The following AFF3 variants were observed in gnomAD, a reference collection of about 807,000 sequenced individuals.
AFF3 encodes the protein ALF transcription elongation factor 3.
A neutral mutation model predicts 129.7 loss-of-function variants in AFF3; 32 were observed. The observed-to-expected ratio is 0.25, with a 90% CI of 0.19 to 0.33. AFF3 has a LOEUF of 0.33. Among genes scored for constraint, AFF3 ranks in the 10% least tolerant of loss-of-function variants. The probability of loss-of-function intolerance (pLI) is 1.00; values close to 1 mark genes in which losing one functional copy is unlikely to be tolerated. For missense variants in AFF3, 1,373 were observed against 1,592.0 expected (o/e 0.86, Z 2.34); for synonymous variants, 644 against 635.4 (o/e 1.01, Z -0.20).
chr2:99,789,446 CAAA>C (rs34653301), intron 8 of AFF3, among the ~76,000 whole-genome samples: 1 of 62,046 alleles, frequency 1.6e-5, no homozygotes, highest in African/African-American at 6.9e-5. Context: ...GCCCTGTCAC[CAAA>C]AAAAAAAAAA....
At chr2:99,981,386 A>G (rs1334746464) in intron 7 of AFF3, among the ~76,000 whole-genome samples, 2 of 152,154 alleles carry the variant, frequency 1.3e-5, no homozygotes, top group Admixed American at 6.5e-5. Context: ...GTTTAATGAA[A>G]CTATGATACA....
chr2:100,078,840 T>C (rs1688806010), intron 4 of AFF3, among the ~76,000 whole-genome samples: 1 of 152,158 alleles, frequency 6.6e-6, no homozygotes, highest in African/African-American at 2.4e-5. Flanking sequence ...CGCTATAGAT[T>C]ACTTATAATA....
At chr2:99,838,569 G>A (rs910632165) in intron 7 of AFF3, among the ~76,000 whole-genome samples, 4 of 152,106 alleles carry the variant, frequency 2.6e-5, no homozygotes, top group African/African-American at 9.7e-5. Context: ...CTTGCCCCCA[G>A]CAGCCTCCAC....
intron 7 of AFF3, among the ~76,000 whole-genome samples, chr2:99,983,732 G>A (rs1679609582): frequency 6.6e-6 from 1 of 152,142 alleles, no homozygotes. Context: ...AGTTACTCAG[G>A]TAATTGTTCT....
In AFF3 at chr2:100,006,901, T is replaced by C. The variant is rs1269380093; in HGVS notation, c.604A>G (p.Met202Val). 3 of 1,614,058 alleles carry C rather than the reference T, an allele frequency of 1.9e-6. No individual in the cohort carries two copies. Among genetic ancestry groups the C allele is most frequent in the African/African-American group, 1.3e-5 (1 of 74,916 alleles). The change falls in exon 7 of 25, where the codon ATG becomes GTG. Residue 202 changes from methionine (M) to valine (V), a missense_variant. Met to Val is a conservative substitution (Grantham distance 21). This residue lies in a region of AFF3 where 255 missense variants were observed against 256.0 expected (regional missense o/e 1.00). Coordinates refer to ENST00000672756, the MANE Select transcript of AFF3 (RefSeq NM_001386135.1). ...CCGCTGCTGCTGTGCTTGGCCGCCA[T>C]GGCAGGTGGCCTCTCCTGGGTCTGA... ...GLQTQERPPAMAAKHSSSGHC... is the reference protein window; with the variant it reads ...GLQTQERPPAVAAKHSSSGHC...
intron 11 of AFF3, among the ~76,000 whole-genome samples, chr2:99,687,563 G>A (rs1264135819): frequency 2.0e-5 from 3 of 152,160 alleles, no homozygotes; most frequent in African/African-American, 2.4e-5. Flanking sequence ...CTAGAGGAGA[G>A]GTGGGCTCTC....
At chr2:100,006,416 T>C in intron 7 of AFF3, 1 of 555,346 alleles carries the variant, frequency 1.8e-6, no homozygotes, top group Non-Finnish European at 3.0e-6. Flanking sequence ...CACAACTGCA[T>C]TTGCTGGAAC....
intron 4 of AFF3, among the ~76,000 whole-genome samples, chr2:100,024,912 T>G (rs1214603772): frequency 6.6e-6 from 1 of 151,822 alleles, no homozygotes; most frequent in Non-Finnish European, 1.5e-5. Context: ...AAGGATAGAG[T>G]GGTGAGGAGT....
At chr2:100,061,859 G>GC (rs964926303) in intron 4 of AFF3, among the ~76,000 whole-genome samples, 2 of 128,454 alleles carry the variant, frequency 1.6e-5, no homozygotes, top group Non-Finnish European at 3.3e-5. Flanking sequence ...CACAGTGGAG[G>GC]GGGGGGGGGT....
intron 7 of AFF3, among the ~76,000 whole-genome samples, chr2:99,895,282 C>A (rs1693856746): frequency 6.6e-6 from 1 of 152,352 alleles, no homozygotes; most frequent in South Asian, 2.1e-4. Flanking sequence ...TGTCCAATCC[C>A]ACCAACAAGG....
At chr2:100,043,674 GT>G (rs2105073562) in intron 4 of AFF3, among the ~76,000 whole-genome samples, 2 of 152,226 alleles carry the variant, frequency 1.3e-5, no homozygotes, top group South Asian at 4.2e-4. Context: ...AAGAGCAATT[GT>G]TTTTATGACT....
chr2:100,051,595 G>A (rs1686341676), intron 4 of AFF3, among the ~76,000 whole-genome samples: 1 of 152,066 alleles, frequency 6.6e-6, no homozygotes, highest in Admixed American at 6.5e-5. Flanking sequence ...AAGTTAAGAT[G>A]AAAAAAACCA....
intron 4 of AFF3, among the ~76,000 whole-genome samples, chr2:100,088,044 G>A (rs1223158199): frequency 6.7e-6 from 1 of 149,724 alleles, no homozygotes; most frequent in Non-Finnish European, 1.5e-5. Flanking sequence ...GGGCATCTAT[G>A]AAAAACCAAC....
intron 9 of AFF3, among the ~76,000 whole-genome samples, chr2:99,747,320 G>A (rs1681252989): frequency 6.6e-6 from 1 of 151,700 alleles, no homozygotes; most frequent in Non-Finnish European, 1.5e-5. Context: ...TTGAGCCACT[G>A]CGCCCGGCCT....
intron 19 of AFF3, among the ~76,000 whole-genome samples, chr2:99,568,510 G>A (rs1193041677): frequency 6.6e-6 from 1 of 152,120 alleles, no homozygotes; most frequent in Non-Finnish European, 1.5e-5. Flanking sequence ...CAAGCCAAGG[G>A]TTTGTCAGGC....
chr2:99,696,341 A>C (rs1348793552), intron 11 of AFF3, among the ~76,000 whole-genome samples: 1 of 152,218 alleles, frequency 6.6e-6, no homozygotes, highest in Non-Finnish European at 1.5e-5. Context: ...CAGGGAGCAG[A>C]AATCATTGCA....
chr2:99,941,485 T>G (rs1675036639), intron 7 of AFF3, among the ~76,000 whole-genome samples: 1 of 152,250 alleles, frequency 6.6e-6, no homozygotes, highest in African/African-American at 2.4e-5. Flanking sequence ...GTCTGACAGC[T>G]GCATATCACG....
intron 7 of AFF3, among the ~76,000 whole-genome samples, chr2:99,897,621 G>A (rs1470391863): frequency 6.6e-6 from 1 of 152,176 alleles, no homozygotes; most frequent in Non-Finnish European, 1.5e-5. Flanking sequence ...GGCCTCTGCT[G>A]AGGATTTTAG....
intron 7 of AFF3, among the ~76,000 whole-genome samples, chr2:99,854,409 C>T (rs145533656): frequency 2.7e-4 from 41 of 152,314 alleles, no homozygotes; most frequent in Non-Finnish European, 3.4e-4. Flanking sequence ...TATCTCTTCA[C>T]TGATTAGCAA....
Sources: allele counts gnomAD v4.1 joint callset (sites outside exome capture counted in the v4.1 genomes callset), GRCh38; gene constraint gnomAD v4.1.1; regional missense constraint gnomAD v4.1.1; transcripts MANE v1.5; gene names NCBI Gene and HGNC (gene_info 2026-07-23, HGNC 2026-07-21).